The following C4orf51 variants were observed in gnomAD, a reference collection of about 807,000 sequenced individuals.
C4orf51 encodes the protein chromosome 4 open reading frame 51.
A neutral mutation model predicts 25.2 loss-of-function variants in C4orf51; 25 were observed. The observed-to-expected ratio is 0.99, with a 90% CI of 0.72 to 1.39. The LOEUF (loss-of-function observed/expected upper bound fraction) is 1.39. Ranked by LOEUF, C4orf51 falls within the 40% of genes most tolerant of loss-of-function variation. C4orf51 has a pLI of 0.00. For missense variants in C4orf51, 252 were observed against 239.6 expected (o/e 1.05, Z -0.34); for synonymous variants, 100 against 84.5 (o/e 1.18, Z -1.01).
downstream of C4orf51, among the ~76,000 whole-genome samples, chr4:145,736,521 G>C (rs779312650): frequency 3.3e-5 from 5 of 152,128 alleles, no homozygotes; most frequent in Admixed American, 2.0e-4. Flanking sequence ...AACAGCTGCC[G>C]TCCATCAGCT....
At position 145,763,211 on chromosome 4, in the gene C4orf51, C is replaced by A; in HGVS notation, n.167-7777C>A. On this transcript the variant is annotated intron_variant and non_coding_transcript_variant, in intron 1 of 1. Transcript: ENST00000510096. This position sits in a 1 kb window ranked among gnomAD's most constrained non-coding sequence, Gnocchi z 4.6. ...TACAAGCAGTTCCATCACAGAAAAGCAATTTAGACATCAGCAGTCTGTTTC... is the reference window on the plus strand; with the variant it reads ...TACAAGCAGTTCCATCACAGAAAAGAAATTTAGACATCAGCAGTCTGTTTC... 7.9e-7 allele frequency: 1 copy of A among 1,268,950 alleles called. No homozygotes were observed. Among genetic ancestry groups the A allele is most frequent in the South Asian group, 1.4e-5 (1 of 73,482 alleles). The allele number at this position is 1,268,950 out of a possible 1,614,324, so 78.6% of individuals were successfully genotyped here. A position where few individuals can be genotyped will look rare whatever the true frequency, so the allele number is the denominator to read the frequency against.
At chr4:145,771,741 T>C (rs572381900), downstream of C4orf51, among the ~76,000 whole-genome samples, 54 of 152,248 alleles carry the variant, frequency 3.5e-4, no homozygotes, top group African/African-American at 1.3e-3. Context: ...AAAGCATGGG[T>C]TCTGTAGGAG....
the C4orf51 span, among the ~76,000 whole-genome samples, chr4:145,778,950 T>C: frequency 6.6e-6 from 1 of 152,208 alleles, no homozygotes; most frequent in Non-Finnish European, 1.5e-5. Flanking sequence ...GAACCAACCA[T>C]ATTTCTCCAC....
downstream of C4orf51, among the ~76,000 whole-genome samples, chr4:145,775,230 C>T (rs1031912793): frequency 2.7e-4 from 41 of 152,168 alleles, no homozygotes; most frequent in African/African-American, 9.9e-4. Context: ...TTCCACCAAT[C>T]AGTATGGCAA....
At chr4:145,690,406 G>A (rs1729473507) in intron 1 of C4orf51, among the ~76,000 whole-genome samples, 6 of 152,036 alleles carry the variant, frequency 3.9e-5, no homozygotes, top group Non-Finnish European at 8.8e-5. Flanking sequence ...TCGGGAGGCT[G>A]AGGCAGGAGA....
At chr4:145,703,922 T>A (rs927104356) in intron 2 of C4orf51, among the ~76,000 whole-genome samples, 1 of 152,024 alleles carries the variant, frequency 6.6e-6, no homozygotes, top group Admixed American at 6.6e-5. Context: ...TGAGGCAGAG[T>A]GATTAATAAA....
At chr4:145,703,260 T>C (rs10084923) in intron 2 of C4orf51, among the ~76,000 whole-genome samples, 27 of 149,720 alleles carry the variant, frequency 1.8e-4, no homozygotes, top group South Asian at 8.7e-4. Context: ...GTCCTTTTCC[T>C]GGCTCATCCT....
intron 2 of C4orf51, among the ~76,000 whole-genome samples, chr4:145,718,955 C>A (rs1031759999): frequency 2.0e-5 from 3 of 152,204 alleles, no homozygotes; most frequent in African/African-American, 7.2e-5. Flanking sequence ...TGCCTACCAC[C>A]TTTAAAATAA....
At chr4:145,782,130 C>CG in the C4orf51 span, among the ~76,000 whole-genome samples, 3 of 152,332 alleles carry the variant, frequency 2.0e-5, no homozygotes, top group South Asian at 6.2e-4. Context: ...CTCCAAGCCT[C>CG]GTCTAGGAAT....
At chr4:145,739,740 T>C (rs1732991816) in intron 1 of C4orf51, among the ~76,000 whole-genome samples, 1 of 152,214 alleles carries the variant, frequency 6.6e-6, no homozygotes, top group African/African-American at 2.4e-5. Flanking sequence ...CTAAAGTGTT[T>C]GATATGATGA....
intron 1 of C4orf51, among the ~76,000 whole-genome samples, chr4:145,741,859 A>G (rs1468372240): frequency 6.6e-6 from 1 of 151,664 alleles, no homozygotes; most frequent in Non-Finnish European, 1.5e-5. Flanking sequence ...ACCATGCCCA[A>G]CTAATTTTTG....
At chr4:145,758,104 T>C (rs189569367), downstream of C4orf51, 2 of 152,356 alleles carry the variant, frequency 1.3e-5, no homozygotes, top group Admixed American at 1.3e-4. Flanking sequence ...TTTTTTTCTT[T>C]ATTAATAACA....
chr4:145,718,025 A>G (rs1731510207), intron 2 of C4orf51, among the ~76,000 whole-genome samples: 2 of 152,246 alleles, frequency 1.3e-5, no homozygotes, highest in Non-Finnish European at 1.5e-5. Context: ...AAGGGCATGT[A>G]GAATGCAAAC....
chr4:145,687,000 T>TGGG (rs1418656365), intron 1 of C4orf51, among the ~76,000 whole-genome samples: 1 of 97,570 alleles, frequency 1.0e-5, no homozygotes, highest in Non-Finnish European at 2.0e-5. Context: ...CATTGGATCT[T>TGGG]GTGGGGGGGG....
At chr4:145,730,614 G>T (rs1383177921) in intron 5 of C4orf51, among the ~76,000 whole-genome samples, 1 of 151,578 alleles carries the variant, frequency 6.6e-6, no homozygotes, top group Non-Finnish European at 1.5e-5. Context: ...ACTTTATTAA[G>T]ATTTCTCTTT....
In C4orf51 at chr4:145,680,402, T is replaced by C; in HGVS notation, c.199T>C (p.Phe67Leu). 2 of 1,613,926 alleles carry C rather than the reference T, an allele frequency of 1.2e-6. No homozygotes were observed. Among genetic ancestry groups the C allele is most frequent in the Non-Finnish European group, 1.7e-6 (2 of 1,179,834 alleles). The stretch of plus-strand genomic sequence containing the variant: ...CAAGTCCATGTGCAGCCAATTTTCT[T>C]TTAGAGCAGGACAGCATGAGCCTGA... ...LDKSMCSQFS[F>L]RAGQHEPECK... is the part of the protein sequence containing the mutation. The change falls in exon 1 of 6, where the codon TTT (phenylalanine) becomes CTT (leucine). Residue 67 changes from phenylalanine to leucine, a missense_variant. Transcript: ENST00000438731.
chr4:145,731,835 G>A (rs1170892041), intron 5 of C4orf51, among the ~76,000 whole-genome samples: 2 of 151,880 alleles, frequency 1.3e-5, no homozygotes, highest in Non-Finnish European at 2.9e-5. Context: ...GCCCACCTCG[G>A]CCTCCCAAAC....
chr4:145,788,917 G>A, the C4orf51 span, among the ~76,000 whole-genome samples: 1 of 152,222 alleles, frequency 6.6e-6, no homozygotes, highest in Non-Finnish European at 1.5e-5. Flanking sequence ...ATGTCTAACA[G>A]AACTATGTGG....
chr4:145,729,475 G>T (rs990744063), intron 4 of C4orf51, among the ~76,000 whole-genome samples: 1 of 151,256 alleles, frequency 6.6e-6, no homozygotes, highest in African/African-American at 2.5e-5. Flanking sequence ...CTAATTTTTT[G>T]TATTTTTAGT....
Sources: allele counts gnomAD v4.1 joint callset (sites outside exome capture counted in the v4.1 genomes callset), GRCh38; gene constraint gnomAD v4.1.1; non-coding constraint Gnocchi (gnomAD v3.1); transcripts MANE v1.5; gene names NCBI Gene and HGNC (gene_info 2026-07-23, HGNC 2026-07-21).